The following CD5 variants were observed in gnomAD, a reference collection of about 807,000 sequenced individuals.
CD5 encodes T-cell surface glycoprotein CD5.
In CD5, 36 loss-of-function variants were observed where a neutral mutation model predicts 60.3. The ratio of observed to expected loss-of-function variants is 0.60; its 90% CI spans 0.46 to 0.79. The LOEUF is 0.79. Ranked by LOEUF, CD5 falls within the 30% of genes least tolerant of loss-of-function variation. The pLI, the probability that CD5 is intolerant of heterozygous loss-of-function variation, is 0.00. For synonymous variants in CD5, 230 were observed against 257.6 expected (o/e 0.89, Z 1.03); for missense variants, 540 against 630.6 (o/e 0.86, Z 1.54).
chr11:61,094,636 T>C, the CD5 span, among the ~76,000 whole-genome samples: 1 of 151,904 alleles, frequency 6.6e-6, no homozygotes, highest in East Asian at 1.9e-4. Context: ...GCGTAAACTG[T>C]AAAAGTGTGT....
At chr11:61,116,149 A>G (rs1424989695) in intron 2 of CD5, among the ~76,000 whole-genome samples, 1 of 152,046 alleles carries the variant, frequency 6.6e-6, no homozygotes, top group Non-Finnish European at 1.5e-5. Context: ...TCCCCCTCAG[A>G]ATCACCTGGG....
In CD5 at chr11:61,119,294, A is replaced by C. The variant is rs1861016183; in HGVS notation, c.524A>C (p.Glu175Ala). ...GGCCAGCACTGTGCCGGCGTGGTGG[A>C]GTTCTACAGCGGCAGCCTGGGGGGT... ...SGGQHCAGVV[E>A]FYSGSLGGTI... is the part of the protein sequence containing the mutation. The change falls in exon 5 of 11, where the codon GAG (glutamate) becomes GCG (alanine). Residue 175 changes from glutamate to alanine, a missense_variant. Glu to Ala is a moderately radical substitution (Grantham distance 107). Coordinates refer to ENST00000347785, the MANE Select transcript of CD5 (RefSeq NM_014207.4). The C allele has an allele frequency of 6.2e-7, 1 of 1,613,520 alleles. No individual in the cohort carries two copies. The highest frequency in any genetic ancestry group is 1.1e-5 in the South Asian group (1 of 91,082).
chr11:61,110,354 T>C (rs539226581), intron 1 of CD5, among the ~76,000 whole-genome samples: 1 of 152,272 alleles, frequency 6.6e-6, no homozygotes, highest in African/African-American at 2.4e-5. Flanking sequence ...GAGCTAAAGA[T>C]TATAGATCAC....
At chr11:61,114,551 G>A (rs558929773) in intron 1 of CD5, among the ~76,000 whole-genome samples, 1 of 152,306 alleles carries the variant, frequency 6.6e-6, no homozygotes, top group Admixed American at 6.5e-5. Context: ...TGAGGTGGGA[G>A]GATTCTTTGA....
At chr11:61,125,221 T>G in intron 9 of CD5, 70 bp downstream of exon 9, 1 of 1,578,418 alleles carries the variant, frequency 6.3e-7, no homozygotes, top group African/African-American at 1.3e-5. Context: ...GGTCACGTGA[T>G]GCCCTTGAAG....
intron 1 of CD5, among the ~76,000 whole-genome samples, chr11:61,107,400 G>T (rs1860791582): frequency 2.0e-5 from 3 of 152,108 alleles, no homozygotes. Flanking sequence ...ACCTCTCCAG[G>T]TCCTCAAGTG....
At chr11:61,123,759 CCCTGCCCTCAG>C in intron 7 of CD5, 114 bp from the exon 8 acceptor site, 1 of 742,992 alleles carries the variant, frequency 1.3e-6, no homozygotes, top group South Asian at 1.6e-5. Context: ...AGCCCAGCAG[CCCTGCCCTCAG>C]CTGCACCTGC....
intron 1 of CD5, among the ~76,000 whole-genome samples, chr11:61,107,864 A>C (rs1860799065): frequency 6.6e-6 from 1 of 152,164 alleles, no homozygotes; most frequent in Non-Finnish European, 1.5e-5. Flanking sequence ...GGTCCCATGC[A>C]CTGCCACAGA....
chr11:61,124,045 C>A, intron 8 of CD5, 108 bp downstream of exon 8: 2 of 839,510 alleles, frequency 2.4e-6, no homozygotes, highest in Non-Finnish European at 4.0e-6. Flanking sequence ...CTGCTTGAAG[C>A]CTCTGATCTC....
At chr11:61,113,154 A>G (rs1860882720) in intron 1 of CD5, among the ~76,000 whole-genome samples, 1 of 152,256 alleles carries the variant, frequency 6.6e-6, no homozygotes, top group African/African-American at 2.4e-5. Flanking sequence ...TATATAAAGC[A>G]GTCTCCTTGA....
chr11:61,123,981 G>C, intron 8 of CD5, 44 bp downstream of exon 8: 1 of 1,472,090 alleles, frequency 6.8e-7, no homozygotes, highest in Non-Finnish European at 9.5e-7. Context: ...GCCCTGGACA[G>C]AGGCCATGGA....
In CD5 at chr11:61,118,249, C is replaced by G. The variant is rs772998606; in HGVS notation, c.169C>G (p.His57Asp). The change falls in exon 3 of 11, where the codon CAC becomes GAC. Residue 57 changes from histidine to aspartate, a missense_variant. Physicochemically the swap from His to Asp is moderately conservative, Grantham distance 81. Coordinates refer to ENST00000347785, the MANE Select transcript of CD5 (RefSeq NM_014207.4). This position sits in a 1 kb window ranked among gnomAD's most constrained non-coding sequence, Gnocchi z 4.7. ...QLEVYLKDGW[H>D]MVCSQSWGRS... ...GGAGGTCTACCTCAAGGACGGATGG[C>G]ACATGGTTTGCAGCCAGAGCTGGGG... 1.2e-6 allele frequency: 2 copies of G among 1,614,252 alleles called. No individual in the cohort carries two copies. Among genetic ancestry groups the G allele is most frequent in the Non-Finnish European group, 1.7e-6 (2 of 1,180,044 alleles).
In CD5 at chr11:61,115,086, A is replaced by G. The variant is rs1490800346; in HGVS notation, c.86A>G (p.Tyr29Cys). 6 of 1,557,924 alleles carry G rather than the reference A, an allele frequency of 3.9e-6. No individual in the cohort carries two copies. In the South Asian group the frequency reaches 5.9e-5, roughly 15 times the overall value. ...TCCTGCCTCGGACGGCTCAGCTGGTATGACCCAGGTAAGGAAGAGCCACAT... is the reference window on the plus strand; with the variant it reads ...TCCTGCCTCGGACGGCTCAGCTGGTGTGACCCAGGTAAGGAAGAGCCACAT... Reference protein sequence around the residue: ...VASCLGRLSWYDPDFQARLTR... With the variant: ...VASCLGRLSWCDPDFQARLTR... The change falls in exon 2 of 11, where the codon TAT becomes TGT. Residue 29 changes from tyrosine to cysteine, a missense_variant. Coordinates refer to ENST00000347785, the MANE Select transcript of CD5 (RefSeq NM_014207.4).
the CD5 span, among the ~76,000 whole-genome samples, chr11:61,095,612 C>G: frequency 6.6e-6 from 1 of 152,080 alleles, no homozygotes; most frequent in African/African-American, 2.4e-5. Flanking sequence ...ATTACCAAAA[C>G]CCCCAAGAAT....
In CD5 at chr11:61,102,652, G is replaced by A. The variant is rs1483011588; in HGVS notation, c.55+37G>A. 4.6e-6 allele frequency: 7 copies of A among 1,529,446 alleles called. No individual in the cohort carries two copies. The Admixed American group carries it at 5.7e-5, about 13-fold the overall frequency. 94.7% of individuals were successfully genotyped at this position (1,529,446 alleles called of 1,614,324 possible). On this transcript the variant is annotated intron_variant, in intron 1 of 10. Coordinates refer to ENST00000347785, the MANE Select transcript of CD5 (RefSeq NM_014207.4). The stretch of plus-strand genomic sequence containing the variant: ...TCCCAGGTGTCCTGCGAACACCCGG[G>A]CTCGCTCCAGTGCAAGGAAGGAGTT...
At chr11:61,121,461 G>A (rs1474965815) in intron 5 of CD5, 150 bp from the exon 6 acceptor site, 1 of 528,966 alleles carries the variant, frequency 1.9e-6, no homozygotes, top group South Asian at 5.4e-5. Flanking sequence ...GGAGGGAAGG[G>A]CAGAAAAGAA....
In CD5 at chr11:61,118,151, C is replaced by G; in HGVS notation, c.95-24C>G. On this transcript the variant is annotated intron_variant, in intron 2 of 10. Transcript: ENST00000347785. This position sits in a 1 kb window ranked among gnomAD's most constrained non-coding sequence, Gnocchi z 4.7. ...TGGGGAACCCCTCCCAGCCTGACCC[C>G]CACCACACCTTTCTGACCCCCAGAT... 6.2e-7 allele frequency: 1 copy of G among 1,606,818 alleles called. No individual in the cohort carries two copies. The highest frequency in any genetic ancestry group is 1.1e-5 in the South Asian group (1 of 89,942).
Position 61,122,006 on chromosome 11 carries a change from C to CA in CD5, c.1099+103dup, listed in dbSNP as rs750116235. ...TAAAGGGAAGCCCTGGGGAGCTAGACAGAGAGTCCCAGAGACCCAGAAAGG... is the reference window on the plus strand; with the variant it reads ...TAAAGGGAAGCCCTGGGGAGCTAGACAAGAGAGTCCCAGAGACCCAGAAAGG... On this transcript the variant is annotated intron_variant, in intron 6 of 10. Transcript: ENST00000347785. The CA allele has an allele frequency of 1.5e-4, 141 of 957,932 alleles. 1 individual carries two copies. Among genetic ancestry groups the CA allele is most frequent in the Non-Finnish European group, 1.9e-4 (128 of 686,538 alleles). The allele number at this position is 957,932 out of a possible 1,614,324, so 59.3% of individuals were successfully genotyped here. A position where few individuals can be genotyped will look rare whatever the true frequency, so the allele number is the denominator to read the frequency against.
chr11:61,124,028 C>A, intron 8 of CD5, 91 bp downstream of exon 8: 3 of 1,017,590 alleles, frequency 2.9e-6, no homozygotes, highest in Non-Finnish European at 3.1e-6. Context: ...ACAGACGGAG[C>A]CTGTGGCTGC....
Sources: gnomAD v4.1 joint callset for allele counts (sites outside exome capture counted in the v4.1 genomes callset) on GRCh38, gnomAD v4.1.1 for gene constraint, Gnocchi (gnomAD v3.1) non-coding constraint, MANE v1.5 for transcripts, NCBI Gene and HGNC (gene_info 2026-07-23, HGNC 2026-07-21) for gene names.